The following RNF19A variants were observed in gnomAD, a reference collection of about 807,000 sequenced individuals.
RNF19A encodes E3 ubiquitin-protein ligase RNF19A.
A neutral mutation model predicts 75.7 loss-of-function variants in RNF19A; 32 were observed. That is an observed-to-expected ratio of 0.42 (90% CI 0.32 to 0.57). RNF19A has a LOEUF of 0.57. Ranked by LOEUF, RNF19A falls within the 20% of genes least tolerant of loss-of-function variation. The pLI, the probability that RNF19A is intolerant of heterozygous loss-of-function variation, is 0.10. For synonymous variants in RNF19A, 335 were observed against 345.2 expected, an observed-to-expected ratio of 0.97 and a Z score of 0.33; for missense variants, 782 against 1,036.3, an observed-to-expected ratio of 0.75 and a Z score of 3.37.
chr8:100,307,895 A>G (rs777619032), intron 1 of RNF19A, among the ~76,000 whole-genome samples: 4 of 152,168 alleles, frequency 2.6e-5, no homozygotes, highest in Non-Finnish European at 4.4e-5. Flanking sequence ...TAGGCAGAAA[A>G]TAAGTTTCAG....
At chr8:100,270,129 T>C (rs902395810) in intron 3 of RNF19A, 116 bp from the exon 4 acceptor site, 17 of 818,610 alleles carry the variant, frequency 2.1e-5, no homozygotes, top group Admixed American at 1.3e-4. Context: ...TGTTAACTTA[T>C]AGCTTCAGCC....
At position 100,264,894 on chromosome 8, in the gene RNF19A, A is replaced by C. The variant is rs1819899130; in HGVS notation, c.1192-109T>G. The C allele has an allele frequency of 1.3e-6, 1 of 778,650 alleles. No homozygotes were observed. Among genetic ancestry groups the C allele is most frequent in the Non-Finnish European group, 2.1e-6 (1 of 465,764 alleles). 48.2% of individuals were successfully genotyped at this position (778,650 alleles called of 1,614,324 possible). A position where few individuals can be genotyped will look rare whatever the true frequency, so the allele number is the denominator to read the frequency against. ...AAAGTGATTTTTCATAGAAGTTCGT[A>C]GCTGAGTATCTTAGTTCAAGGTAAA... On this transcript the variant is annotated intron_variant, in intron 5 of 9. Coordinates refer to ENST00000341084, the MANE Select transcript of RNF19A (RefSeq NM_183419.4). This position sits in a 1 kb window ranked among gnomAD's most constrained non-coding sequence, Gnocchi z 4.7.
intron 2 of RNF19A, among the ~76,000 whole-genome samples, chr8:100,276,967 C>G (rs1243942270): frequency 6.6e-6 from 1 of 151,790 alleles, no homozygotes; most frequent in Non-Finnish European, 1.5e-5. Flanking sequence ...AAAATGGCAC[C>G]ACCGAGACAA....
intron 2 of RNF19A, among the ~76,000 whole-genome samples, chr8:100,283,516 G>T (rs1232339299): frequency 6.6e-6 from 1 of 152,140 alleles, no homozygotes; most frequent in Non-Finnish European, 1.5e-5. Context: ...CCTCAAGTGG[G>T]ATTTTTAGAA....
At chr8:100,318,662 A>G (rs760904897) in intron 1 of RNF19A, among the ~76,000 whole-genome samples, 28 of 152,252 alleles carry the variant, frequency 1.8e-4, no homozygotes, top group Non-Finnish European at 1.5e-4. Flanking sequence ...ATGATTCCAA[A>G]CAAAAGCAAA....
chr8:100,310,308 T>C (rs1473815379), upstream of RNF19A: 3 of 923,702 alleles, frequency 3.2e-6, no homozygotes, highest in Admixed American at 1.9e-4. Flanking sequence ...TGCACCCGGG[T>C]GGCCCCGACT....
intron 1 of RNF19A, among the ~76,000 whole-genome samples, chr8:100,304,706 G>C (rs2130195511): frequency 6.6e-6 from 1 of 152,298 alleles, no homozygotes; most frequent in Non-Finnish European, 1.5e-5. Context: ...TTCTATTTAA[G>C]AGCATCTTGT....
At chr8:100,321,990 C>CT (rs34698535) in intron 1 of RNF19A, among the ~76,000 whole-genome samples, 102 of 150,980 alleles carry the variant, frequency 6.8e-4, no homozygotes, top group Non-Finnish European at 1.1e-3. Context: ...TAGCAAAATT[C>CT]TTTTTTTTTT....
intron 3 of RNF19A, among the ~76,000 whole-genome samples, chr8:100,272,536 C>A (rs1176773791): frequency 4.0e-5 from 6 of 151,542 alleles, no homozygotes; most frequent in Middle Eastern, 6.8e-3. Context: ...AAGTTCACTA[C>A]ACTTTTTTTT....
chr8:100,305,851 T>C lies in RNF19A; in HGVS notation c.-94+4016A>G, dbSNP rs150038121. On this transcript the variant is annotated intron_variant, in intron 1 of 9. Coordinates refer to ENST00000341084, the MANE Select transcript of RNF19A (RefSeq NM_183419.4). ...TAACTTAATTTAGGATACCTTACCA[T>C]TTTCAGGGGCAAATACCAATACGTG... Among the ~76,000 whole-genome samples, 600 of 152,312 alleles carry C rather than the reference T, an allele frequency of 3.9e-3. 5 individuals carry two copies. Among genetic ancestry groups the C allele is most frequent in the Non-Finnish European group, 4.2e-3 (284 of 68,038 alleles).
rs941405680 is a variant in RNF19A, at chr8:100,331,028, G to T, written c.-243+5080C>A. 6.6e-6 allele frequency among the ~76,000 whole-genome samples: 1 copy of T among 152,078 alleles called. No homozygotes were observed. The highest frequency in any genetic ancestry group is 2.4e-5 in the African/African-American group (1 of 41,384). The stretch of plus-strand genomic sequence containing the variant: ...CTGAGTCTTCCTTTCACATTGATAC[G>T]TCCATTTCTATCTATGGCTCCTCCA... On this transcript the variant is annotated intron_variant, in intron 1 of 3. Coordinates refer to the RNF19A transcript ENST00000519527. The surrounding 1 kb of genome is among the most constrained non-coding windows in gnomAD (Gnocchi z 5.2).
intron 1 of RNF19A, among the ~76,000 whole-genome samples, chr8:100,301,072 G>A (rs1021308571): frequency 2.0e-5 from 3 of 152,210 alleles, no homozygotes; most frequent in African/African-American, 7.2e-5. Flanking sequence ...TAGGTTCGAT[G>A]TATCACCACT....
chr8:100,290,184 G>A (rs578063050), intron 1 of RNF19A, among the ~76,000 whole-genome samples: 3 of 152,198 alleles, frequency 2.0e-5, no homozygotes, highest in South Asian at 2.1e-4. Flanking sequence ...AAGCAATCTC[G>A]GCTCACTGCA....
Position 100,323,280 on chromosome 8 carries a change from T to A in RNF19A, c.-242-9908A>T, listed in dbSNP as rs1481502689. On this transcript the variant is annotated intron_variant, in intron 1 of 3. Transcript: ENST00000519527. The surrounding 1 kb of genome is among the most constrained non-coding windows in gnomAD (Gnocchi z 4.6). Reference sequence around the variant, plus strand: ...AGTTTTTAAGGAAGAAAGAAAACTTTATTCTTCTCTGTAATATCATTTTTG... The same window carrying A: ...AGTTTTTAAGGAAGAAAGAAAACTTAATTCTTCTCTGTAATATCATTTTTG... Among the ~76,000 whole-genome samples, 1 of 152,238 alleles carries A rather than the reference T, an allele frequency of 6.6e-6. No individual in the cohort carries two copies. Among genetic ancestry groups the A allele is most frequent in the African/African-American group, 2.4e-5 (1 of 41,462 alleles).
chr8:100,264,254 A>G lies in RNF19A; in HGVS notation c.1307-59T>C, dbSNP rs1819865276. On this transcript the variant is annotated intron_variant, in intron 6 of 9. Transcript: ENST00000341084. The surrounding 1 kb of genome is among the most constrained non-coding windows in gnomAD (Gnocchi z 4.7). ...CAACAACAAAATAACTCACAGAAAC[A>G]TGAGTTTTAGAAAGTCTTTTCAAGA... is the stretch of plus-strand genomic sequence containing the variant. 1 of 1,412,312 alleles carries G rather than the reference A, an allele frequency of 7.1e-7. No homozygotes were observed. The highest frequency in any genetic ancestry group is 2.3e-5 in the East Asian group (1 of 42,724). The allele number at this position is 1,412,312 out of a possible 1,614,324, so 87.5% of individuals were successfully genotyped here.
chr8:100,322,238 A>G lies in RNF19A; in HGVS notation c.-242-8866T>C, dbSNP rs1822474910. Among the ~76,000 whole-genome samples the G allele has an allele frequency of 6.6e-6, 1 of 152,186 alleles. No individual in the cohort carries two copies. Among genetic ancestry groups the G allele is most frequent in the African/African-American group, 2.4e-5 (1 of 41,456 alleles). On this transcript the variant is annotated intron_variant, in intron 1 of 3. Coordinates refer to the RNF19A transcript ENST00000519527. This position sits in a 1 kb window ranked among gnomAD's most constrained non-coding sequence, Gnocchi z 5.1. ...CTATATTGAAAATCTGTTGTTTAGT[A>G]TAGTCCCTTTTATTAATGATCTTAG...
intron 2 of RNF19A, among the ~76,000 whole-genome samples, chr8:100,277,699 T>C (rs1353065185): frequency 6.6e-6 from 1 of 152,242 alleles, no homozygotes; most frequent in African/African-American, 2.4e-5. Flanking sequence ...TAATCAGCAA[T>C]GGGTAATTTA....
upstream of RNF19A, among the ~76,000 whole-genome samples, chr8:100,310,997 CTAACAT>C (rs1822281051): frequency 6.6e-6 from 1 of 152,210 alleles, no homozygotes; most frequent in Non-Finnish European, 1.5e-5. Flanking sequence ...TTAGATCACT[CTAACAT>C]AGAATACTGA....
Position 100,332,085 on chromosome 8 carries a change from A to G in RNF19A, c.-243+4023T>C, listed in dbSNP as rs570524756. ...GTAAGAATTATCTGGGTTATATATT[A>G]TTTTACACATATTGTGAATTACCTG... is the stretch of plus-strand genomic sequence containing the variant. On this transcript the variant is annotated intron_variant, in intron 1 of 3. Transcript: ENST00000519527. This position sits in a 1 kb window ranked among gnomAD's most constrained non-coding sequence, Gnocchi z 4.8. Among the ~76,000 whole-genome samples, 166 of 152,318 alleles carry G rather than the reference A, an allele frequency of 1.1e-3. No homozygotes were observed. The highest frequency in any genetic ancestry group is 1.8e-3 in the Non-Finnish European group (120 of 68,026).
Sources: allele counts gnomAD v4.1 joint callset (sites outside exome capture counted in the v4.1 genomes callset), GRCh38; gene constraint gnomAD v4.1.1; non-coding constraint Gnocchi (gnomAD v3.1); transcripts MANE v1.5; gene names NCBI Gene and HGNC (gene_info 2026-07-23, HGNC 2026-07-21).